Variants in NBAS observed in about 807,000 individuals in gnomAD.
NBAS encodes NBAS subunit of NRZ tethering complex.
A neutral mutation model predicts 302.5 loss-of-function variants in NBAS; 219 were observed. The ratio of observed to expected loss-of-function variants is 0.72; its 90% CI spans 0.65 to 0.81. The LOEUF (loss-of-function observed/expected upper bound fraction) is 0.81, where lower values mean the gene tolerates loss of function less well. Ranked by LOEUF, NBAS falls within the 30% of genes least tolerant of loss-of-function variation. NBAS has a pLI of 0.00. For synonymous variants in NBAS, 1,118 were observed against 1,021.6 expected, an observed-to-expected ratio of 1.09 and a Z score of -1.80; for missense variants, 2,932 against 2,841.6, an observed-to-expected ratio of 1.03 and a Z score of -0.72.
chr2:15,242,592 G>A lies in NBAS; in HGVS notation c.5725-3906C>T, dbSNP rs573450261. ...ATTTTCTTTAAACTGTTCCATAATG[G>A]AAGGAACAGAAGTAAAAGAAAGAAA... On this transcript the variant is annotated intron_variant, in intron 44 of 51. Transcript: ENST00000281513. 6.6e-5 allele frequency among the ~76,000 whole-genome samples: 10 copies of A among 150,672 alleles called. No individual in the cohort carries two copies. In the South Asian group the frequency reaches 2.1e-3, roughly 32 times the overall value.
At chr2:15,356,165 C>T (rs541422696) in intron 33 of NBAS, 138 bp downstream of exon 33, 1 of 720,620 alleles carries the variant, frequency 1.4e-6, no homozygotes, top group African/African-American at 1.7e-5. Context: ...TATATACTTA[C>T]CAGTGCTCAT....
At chr2:15,379,454 T>C in intron 30 of NBAS, 148 bp downstream of exon 30, 1 of 671,662 alleles carries the variant, frequency 1.5e-6, no homozygotes, top group Non-Finnish European at 2.4e-6. Context: ...TTTTTCTTTT[T>C]ATATTCAAGC....
intron 47 of NBAS, among the ~76,000 whole-genome samples, chr2:15,227,244 AAT>A (rs1667185721): frequency 6.6e-6 from 1 of 152,134 alleles, no homozygotes; most frequent in Non-Finnish European, 1.5e-5. Flanking sequence ...GAAAGAAAGC[AAT>A]TTCATTTACA....
At chr2:15,486,096 C>T (rs572697164) in intron 12 of NBAS, among the ~76,000 whole-genome samples, 3 of 152,114 alleles carry the variant, frequency 2.0e-5, no homozygotes, top group Non-Finnish European at 4.4e-5. Context: ...AACTCTGAAC[C>T]GGGGAAGGGA....
the NBAS span, among the ~76,000 whole-genome samples, chr2:14,853,854 T>C: frequency 8.0e-6 from 1 of 124,236 alleles, no homozygotes; most frequent in African/African-American, 3.2e-5. Flanking sequence ...TTCTCACTCA[T>C]AGGTGGGAAT....
At chr2:15,027,135 A>G in the NBAS span, among the ~76,000 whole-genome samples, 167 of 152,208 alleles carry the variant, frequency 1.1e-3, no homozygotes, top group Middle Eastern at 3.4e-3. Context: ...TCTCCCCAGA[A>G]AATGTGGGAT....
At chr2:14,856,559 A>G in the NBAS span, among the ~76,000 whole-genome samples, 1 of 152,246 alleles carries the variant, frequency 6.6e-6, no homozygotes, top group Non-Finnish European at 1.5e-5. Context: ...AAGATAACAC[A>G]GAGAAGGAAT....
At chr2:15,245,793 G>A (rs1668072382) in intron 44 of NBAS, among the ~76,000 whole-genome samples, 1 of 152,220 alleles carries the variant, frequency 6.6e-6, no homozygotes, top group Non-Finnish European at 1.5e-5. Flanking sequence ...GTGGCATAAA[G>A]GGCTGGACAG....
intron 44 of NBAS, among the ~76,000 whole-genome samples, chr2:15,243,767 A>T (rs1264857530): frequency 6.6e-6 from 1 of 152,172 alleles, no homozygotes; most frequent in Non-Finnish European, 1.5e-5. Context: ...CCAGATCGGA[A>T]GCAGGAGTGA....
chr2:14,930,808 A>C, the NBAS span, among the ~76,000 whole-genome samples: 1 of 152,250 alleles, frequency 6.6e-6, no homozygotes, highest in Non-Finnish European at 1.5e-5. Context: ...TTCTAATCCT[A>C]ACCCTTGGTA....
chr2:15,214,317 C>G (rs1180134892), intron 48 of NBAS, among the ~76,000 whole-genome samples: 1 of 152,062 alleles, frequency 6.6e-6, no homozygotes, highest in Non-Finnish European at 1.5e-5. Flanking sequence ...TAAGGATAGG[C>G]AGGAAAAAGT....
chr2:15,446,213 C>A (rs1170195573), intron 21 of NBAS, among the ~76,000 whole-genome samples: 1 of 151,806 alleles, frequency 6.6e-6, no homozygotes, highest in East Asian at 1.9e-4. Flanking sequence ...AACTTGATAA[C>A]CAACAAGAAT....
At chr2:14,916,479 C>A in the NBAS span, among the ~76,000 whole-genome samples, 5 of 152,126 alleles carry the variant, frequency 3.3e-5, no homozygotes, top group African/African-American at 1.2e-4. Flanking sequence ...AATCAGAGAG[C>A]TACTTGTCAG....
intron 46 of NBAS, among the ~76,000 whole-genome samples, chr2:15,233,354 A>G (rs1667459263): frequency 6.6e-6 from 1 of 152,238 alleles, no homozygotes; most frequent in African/African-American, 2.4e-5. Flanking sequence ...GCAGAAAAAG[A>G]TAAGTATAAT....
the NBAS span, among the ~76,000 whole-genome samples, chr2:15,072,216 T>C: frequency 2.0e-5 from 3 of 152,270 alleles, no homozygotes; most frequent in Admixed American, 1.3e-4. Flanking sequence ...CTTTAATCTT[T>C]GCTTATTTAC....
chr2:15,208,713 A>C (rs1666263503), intron 48 of NBAS, among the ~76,000 whole-genome samples: 1 of 152,204 alleles, frequency 6.6e-6, no homozygotes, highest in Non-Finnish European at 1.5e-5. Context: ...GGCCCAATGA[A>C]GAAATGAAGA....
At chr2:14,966,860 T>C in the NBAS span, among the ~76,000 whole-genome samples, 1 of 152,192 alleles carries the variant, frequency 6.6e-6, no homozygotes, top group Non-Finnish European at 1.5e-5. Context: ...AGTAAAACTC[T>C]TTGTTCACAT....
the NBAS span, among the ~76,000 whole-genome samples, chr2:15,063,291 T>C: frequency 6.6e-6 from 1 of 152,214 alleles, no homozygotes; most frequent in East Asian, 1.9e-4. Context: ...TTTCTAGAAA[T>C]GTGTGTGCAT....
intron 30 of NBAS, among the ~76,000 whole-genome samples, chr2:15,376,362 G>A (rs28515083): frequency 0.051 from 7,725 of 152,152 alleles, 560 homozygotes; most frequent in African/African-American, 0.16. Context: ...AATATAGAAG[G>A]ACCGGCTTTT....
Sources: allele counts gnomAD v4.1 joint callset (sites outside exome capture counted in the v4.1 genomes callset), GRCh38; gene constraint gnomAD v4.1.1; transcripts MANE v1.5; gene names NCBI Gene and HGNC (gene_info 2026-07-23, HGNC 2026-07-21).